C10orf67: variants seen among roughly 807,000 people sequenced by gnomAD.
The protein encoded by C10orf67 is chromosome 10 open reading frame 67.
Under a neutral mutation model 35.6 loss-of-function variants are expected in C10orf67, and 60 were observed. That is an observed-to-expected ratio of 1.68 (90% CI 1.37 to 2.09). The LOEUF (loss-of-function observed/expected upper bound fraction) is 2.09. Ranked by LOEUF, C10orf67 falls within the 30% of genes most tolerant of loss-of-function variation. C10orf67 has a pLI of 0.00. For missense variants in C10orf67, 474 were observed against 330.2 expected (o/e 1.44, Z -3.38); for synonymous variants, 167 against 115.8 (o/e 1.44, Z -2.84).
At chr10:23,228,666 A>G (rs985463229) in intron 13 of C10orf67, among the ~76,000 whole-genome samples, 3 of 152,240 alleles carry the variant, frequency 2.0e-5, no homozygotes, top group Non-Finnish European at 4.4e-5. Flanking sequence ...ACAAAATGGG[A>G]GAAAATTTTT....
intron 10 of C10orf67, among the ~76,000 whole-genome samples, chr10:23,251,715 G>T (rs1462761299): frequency 6.6e-6 from 1 of 151,968 alleles, no homozygotes; most frequent in Non-Finnish European, 1.5e-5. Flanking sequence ...CGTAATAATG[G>T]TCATATTAGT....
Position 23,297,580 on chromosome 10 carries a change from T to A in C10orf67, c.702+5724A>T, listed in dbSNP as rs192716371. Reference sequence around the variant, plus strand: ...TATCACTGACAACTGCATACCCCGCTTTTCGAAGTCCTTTTTCTACAAAGG... The same window carrying A: ...TATCACTGACAACTGCATACCCCGCATTTCGAAGTCCTTTTTCTACAAAGG... On this transcript the variant is annotated intron_variant, in intron 5 of 15. Coordinates refer to ENST00000636213, the MANE Select transcript of C10orf67 (RefSeq NM_001371909.1). 3.7e-3 allele frequency among the ~76,000 whole-genome samples: 563 copies of A among 152,342 alleles called. 1 individual carries two copies. The highest frequency in any genetic ancestry group is 5.2e-3 in the Non-Finnish European group (355 of 68,036).
intron 4 of C10orf67, among the ~76,000 whole-genome samples, chr10:23,313,170 G>T (rs1844563889): frequency 6.6e-6 from 1 of 152,170 alleles, no homozygotes; most frequent in Non-Finnish European, 1.5e-5. Context: ...TTGACAGAGA[G>T]TTATGCACCC....
At chr10:23,234,286 A>G (rs539873767) in intron 13 of C10orf67, among the ~76,000 whole-genome samples, 2 of 152,360 alleles carry the variant, frequency 1.3e-5, no homozygotes. Context: ...ATGCCCATCA[A>G]TGATATACTG....
At chr10:23,272,650 T>C (rs939919957) in intron 8 of C10orf67, among the ~76,000 whole-genome samples, 7 of 152,234 alleles carry the variant, frequency 4.6e-5, no homozygotes, top group Non-Finnish European at 8.8e-5. Context: ...TTTTTCAAAA[T>C]TGTTTTAGCT....
At chr10:23,329,102 A>G (rs1845326259) in intron 2 of C10orf67, among the ~76,000 whole-genome samples, 1 of 151,874 alleles carries the variant, frequency 6.6e-6, no homozygotes. Flanking sequence ...TTTATGAACT[A>G]GAAAATAAAG....
At chr10:23,290,046 G>A (rs1227102088) in intron 6 of C10orf67, 88 bp from the exon 7 acceptor site, 6 of 684,006 alleles carry the variant, frequency 8.8e-6, no homozygotes, top group African/African-American at 3.6e-5. Context: ...CAGGCTGTGG[G>A]GCACTAGCAG....
intron 4 of C10orf67, among the ~76,000 whole-genome samples, chr10:23,315,989 C>T (rs981278821): frequency 4.6e-5 from 7 of 152,122 alleles, no homozygotes; most frequent in Non-Finnish European, 1.0e-4. Flanking sequence ...GTCACAGGAT[C>T]CTTGGGGTGT....
chr10:23,223,773 T>G lies in C10orf67; in HGVS notation c.1480A>C (p.Ile494Leu), dbSNP rs1841655820. The G allele has an allele frequency of 2.8e-6, 2 of 715,580 alleles. No homozygotes were observed. The highest frequency in any genetic ancestry group is 5.4e-5 in the East Asian group (2 of 37,270). 44.3% of individuals were successfully genotyped at this position (715,580 alleles called of 1,614,324 possible). The change falls in exon 14 of 16, where the codon ATA becomes CTA. Residue 494 changes from isoleucine (I) to leucine (L), a missense_variant. Physicochemically the swap from Ile to Leu is conservative, Grantham distance 5 (BLOSUM62 2). Transcript: ENST00000636213. ...GATGTACAATGACTTGAAGAGGATATAGCTGTCATGGTCGTTCTAGACTGC... is the reference window on the plus strand; with the variant it reads ...GATGTACAATGACTTGAAGAGGATAGAGCTGTCATGGTCGTTCTAGACTGC... The part of the protein sequence containing the change: ...LVQSRTTMTA[I>L]SSSSHCTSSI...
At chr10:23,237,248 G>A (rs537288473) in intron 13 of C10orf67, among the ~76,000 whole-genome samples, 59 of 152,206 alleles carry the variant, frequency 3.9e-4, no homozygotes, top group Admixed American at 3.5e-3. Context: ...ATATTCCATG[G>A]TGTATATGTA....
At position 23,344,597 on chromosome 10, in the gene C10orf67, T is replaced by G. The variant is rs1180616393; in HGVS notation, c.178A>C (p.Lys60Gln). The G allele has an allele frequency of 6.3e-6, 10 of 1,580,660 alleles. No individual in the cohort carries two copies. Among genetic ancestry groups the G allele is most frequent in the Non-Finnish European group, 8.6e-6 (10 of 1,164,226 alleles). ...GTGGACCCGCGCATTTGCGGGGGCT[T>G]GAATTCCCGAGCTTCTCGCTTCCTA... Reference protein sequence around the residue: ...ARRKREAREFKPPQMRGSTRL... With the variant: ...ARRKREAREFQPPQMRGSTRL... Residue 60 changes from lysine to glutamine, a missense_variant, in exon 1 of 16, where the codon AAG (lysine) becomes CAG (glutamine). Transcript: ENST00000636213.
chr10:23,202,045 A>G (rs1006201531), downstream of C10orf67: 3 of 152,214 alleles, frequency 2.0e-5, no homozygotes, highest in Non-Finnish European at 4.4e-5. Context: ...ATTTCTTTCA[A>G]TGGTGTTGTA....
At position 23,329,011 on chromosome 10, in the gene C10orf67, AAAG is replaced by A. The variant is rs1164417495; in HGVS notation, c.327+4048_327+4050del. On this transcript the variant is annotated intron_variant, in intron 2 of 15. Coordinates refer to ENST00000636213, the MANE Select transcript of C10orf67 (RefSeq NM_001371909.1). ...AAACGAACAAAAAAAAAAAAAAAAA[AAAG>A]AAAGAAAGAAAGAAAAAAAGAAAAG... Among the ~76,000 whole-genome samples, 4 of 147,640 alleles carry A rather than the reference AAAG, an allele frequency of 2.7e-5. No homozygotes were observed. The East Asian group carries it at 5.9e-4, about 22-fold the overall frequency.
At chr10:23,232,565 T>C (rs1364261605) in intron 13 of C10orf67, among the ~76,000 whole-genome samples, 2 of 152,162 alleles carry the variant, frequency 1.3e-5, no homozygotes, top group Admixed American at 6.5e-5. Context: ...AAGTTGCTCA[T>C]GGGCTTAGAC....
Position 23,319,485 on chromosome 10 carries a change from T to C in C10orf67, c.546+1256A>G, listed in dbSNP as rs1844862651. 4.6e-5 allele frequency among the ~76,000 whole-genome samples: 7 copies of C among 152,308 alleles called. No individual in the cohort carries two copies. The South Asian group carries it at 1.4e-3, about 32-fold the overall frequency. Reference sequence around the variant, plus strand: ...ATGAACACACACATGCAGGTGTCTTTATGGTAGAATGATTTATCTTTCTTT... The same window carrying C: ...ATGAACACACACATGCAGGTGTCTTCATGGTAGAATGATTTATCTTTCTTT... On this transcript the variant is annotated intron_variant, in intron 4 of 15. Transcript: ENST00000636213.
At chr10:23,221,883 C>T (rs559721792) in intron 15 of C10orf67, among the ~76,000 whole-genome samples, 62 of 152,082 alleles carry the variant, frequency 4.1e-4, no homozygotes, top group African/African-American at 1.3e-3. Flanking sequence ...GGATTATTTC[C>T]GAAAACTATC....
intron 8 of C10orf67, among the ~76,000 whole-genome samples, chr10:23,277,459 A>C (rs1371465802): frequency 6.6e-6 from 1 of 151,864 alleles, no homozygotes; most frequent in Non-Finnish European, 1.5e-5. Context: ...AGGCTGAGGC[A>C]GGAGAATAAC....
chr10:23,300,141 G>C (rs1844024327), intron 5 of C10orf67, among the ~76,000 whole-genome samples: 1 of 152,166 alleles, frequency 6.6e-6, no homozygotes, highest in South Asian at 2.1e-4. Context: ...CATCCGGCTA[G>C]TGGCTTCTGA....
intron 10 of C10orf67, among the ~76,000 whole-genome samples, chr10:23,263,258 T>C (rs1255054749): frequency 6.6e-6 from 1 of 152,210 alleles, no homozygotes. Flanking sequence ...AGAGCTTATC[T>C]TAAATGTGCA....
Sources: gnomAD v4.1 joint callset for allele counts (sites outside exome capture counted in the v4.1 genomes callset) on GRCh38, gnomAD v4.1.1 for gene constraint, MANE v1.5 for transcripts, NCBI Gene and HGNC (gene_info 2026-07-23, HGNC 2026-07-21) for gene names.